Variants in SLC27A3 observed in about 807,000 individuals in gnomAD.
SLC27A3 encodes the protein solute carrier family 27 member 3, also known as long-chain fatty acid transport protein 3.
In SLC27A3, 60 loss-of-function variants were observed where a neutral mutation model predicts 60.1. The observed-to-expected ratio is 1.00, with a 90% confidence interval of 0.81 to 1.24. The LOEUF (loss-of-function observed/expected upper bound fraction) is 1.24, where lower values mean the gene tolerates loss of function less well. Ranked by LOEUF, SLC27A3 falls within the 50% of genes most tolerant of loss-of-function variation. SLC27A3 has a pLI of 0.00. For synonymous variants in SLC27A3, 455 were observed against 409.0 expected, an observed-to-expected ratio of 1.11 and a Z score of -1.36; for missense variants, 1,079 against 929.9, an observed-to-expected ratio of 1.16 and a Z score of -2.09.
At chr1:153,777,429 A>C (rs1334549111) in intron 3 of SLC27A3, 2 of 655,490 alleles carry the variant, frequency 3.1e-6, no homozygotes, top group Non-Finnish European at 5.2e-6. Context: ...ACATAACTCC[A>C]GGCTGCAGGG....
chr1:153,779,528 A>C, intron 9 of SLC27A3, 55 bp downstream of exon 9: 3 of 1,571,436 alleles, frequency 1.9e-6, no homozygotes, highest in Non-Finnish European at 2.6e-6. Context: ...CACCCCACAT[A>C]TCCACCCCGT....
rs1201187174 is a variant in SLC27A3 at position 153,776,517 on chromosome 1, G to C, written c.668-1G>C. Reference sequence around the variant, plus strand: ...GGCGTTGTGCTTTCCCACCCTTCTAGAGTTTCTGGAGTCCCTGGAGCCGGA... The same window carrying C: ...GGCGTTGTGCTTTCCCACCCTTCTACAGTTTCTGGAGTCCCTGGAGCCGGA... On this transcript the variant is annotated splice_acceptor_variant, in intron 1 of 9. Transcript: ENST00000624995. LOFTEE classifies it high-confidence loss of function. 2.1e-5 allele frequency: 34 copies of C among 1,612,910 alleles called. No individual in the cohort carries two copies. Among genetic ancestry groups the C allele is most frequent in the African/African-American group, 5.3e-5 (4 of 74,872 alleles).
At position 153,779,165 on chromosome 1, in the gene SLC27A3, C is replaced by T. The variant is rs766635920; in HGVS notation, c.1698C>T (p.Ala566=). 4 of 1,614,006 alleles carry T rather than the reference C, an allele frequency of 2.5e-6. No homozygotes were observed. The highest frequency in any genetic ancestry group is 3.4e-6 in the Non-Finnish European group (4 of 1,180,018). Residue 566 remains alanine (A), a synonymous_variant, in exon 8 of 10, where the codon GCC becomes GCT. Coordinates refer to ENST00000624995, the MANE Select transcript of SLC27A3 (RefSeq NM_024330.4). ...ATTEVAEVFE[A]LDFLQEVNVY... ...CCGAGGTGGCAGAGGTCTTCGAGGC[C>T]CTAGATTTTCTTCAGGAGGTGAACG...
rs1193406424 is a variant in SLC27A3, at chr1:153,779,459, T to G, written c.1861T>G (p.Phe621Val). ...CTTGCCACCTTATGCCCGGCCCCGA[T>G]TCCTCAGGCTCCAGGTAACCGGCCA... ...ENLPPYARPR[F>V]LRLQESLATT... Residue 621 changes from phenylalanine (F) to valine (V), a missense_variant, in exon 9 of 10, where the codon TTC becomes GTC. Phe to Val is a conservative substitution (Grantham distance 50, BLOSUM62 -1). Transcript: ENST00000624995. 2 of 1,613,188 alleles carry G rather than the reference T, an allele frequency of 1.2e-6. No individual in the cohort carries two copies. Among genetic ancestry groups the G allele is most frequent in the South Asian group, 2.2e-5 (2 of 91,066 alleles).
chr1:153,777,268 A>C (rs1235737647), intron 3 of SLC27A3, 48 bp downstream of exon 3: 4 of 1,604,650 alleles, frequency 2.5e-6, no homozygotes, highest in Non-Finnish European at 3.4e-6. Context: ...GTAGACATTT[A>C]TTAAGCACGT....
In SLC27A3 at chr1:153,779,880, G is replaced by A; in HGVS notation, c.1930G>A (p.Glu644Lys). The A allele has an allele frequency of 1.2e-6, 2 of 1,614,044 alleles. No homozygotes were observed. The highest frequency in any genetic ancestry group is 1.7e-6 in the Non-Finnish European group (2 of 1,180,018). The part of the protein sequence containing the change: ...FKQQKVRMAN[E>K]GFDPSTLSDP... ...ACAGCAGAAAGTTCGGATGGCAAAT[G>A]AGGGCTTCGACCCCAGCACCCTGTC... The change falls in exon 10 of 10, where the codon GAG (glutamate) becomes AAG (lysine). Residue 644 changes from glutamate to lysine, a missense_variant. Physicochemically the swap from Glu to Lys is moderately conservative, Grantham distance 56. Coordinates refer to ENST00000624995, the MANE Select transcript of SLC27A3 (RefSeq NM_024330.4).
Position 153,775,905 on chromosome 1 carries a change from A to C in SLC27A3, c.408A>C (p.Gly136=). The stretch of plus-strand genomic sequence containing the variant: ...GAGAAGGCGAGCGGGCAGCGCCGGG[A>C]GCCGGAGATGCAGCGGCCGGAAGCG... The part of the protein sequence containing the change: ...SAGEGERAAP[G]AGDAAAGSGA... The change falls in exon 1 of 10, where the codon GGA becomes GGC. Residue 136 remains glycine, a synonymous_variant. Transcript: ENST00000624995. The C allele has an allele frequency of 2.7e-6, 4 of 1,473,454 alleles. No individual in the cohort carries two copies. The highest frequency in any genetic ancestry group is 3.6e-6 in the Non-Finnish European group (4 of 1,119,396). The allele number at this position is 1,473,454 out of a possible 1,614,324, so 91.3% of individuals were successfully genotyped here.
In SLC27A3 at chr1:153,776,107, G is replaced by T. The variant is rs972064986; in HGVS notation, c.610G>T (p.Gly204Cys). Residue 204 changes from glycine (G) to cysteine (C), a missense_variant, in exon 1 of 10, where the codon GGC becomes TGC. Gly to Cys is a radical substitution (Grantham distance 159). Coordinates refer to ENST00000624995, the MANE Select transcript of SLC27A3 (RefSeq NM_024330.4). ...TAFVPTALRRGPLLHCLRSCG... is the reference protein window; with the variant it reads ...TAFVPTALRRCPLLHCLRSCG... ...CTTTGTGCCCACCGCCCTGCGCCGG[G>T]GCCCCCTGCTGCACTGCCTCCGCAG... is the stretch of plus-strand genomic sequence containing the variant. 1 of 1,475,676 alleles carries T rather than the reference G, an allele frequency of 6.8e-7. No individual in the cohort carries two copies. The highest frequency in any genetic ancestry group is 8.9e-7 in the Non-Finnish European group (1 of 1,127,584). The allele number at this position is 1,475,676 out of a possible 1,614,324, so 91.4% of individuals were successfully genotyped here. A position where few individuals can be genotyped will look rare whatever the true frequency, so the allele number is the denominator to read the frequency against.
Position 153,775,615 on chromosome 1 carries a change from CTG to C in SLC27A3, c.121_122del (p.Cys41LeufsTer51), listed in dbSNP as rs1445225097. ...GGACTTGGCCTTTGCGGTGCGAGCT[CTG>C]TGCTGCAAAAGGGCTCTTCGAGCTC... is the stretch of plus-strand genomic sequence containing the variant. ...PADLAFAVRALCCKRALRARA... is the reference protein window; with the variant it reads ...PADLAFAVRAXCCKRALRARA... On this transcript the variant is annotated frameshift_variant, in exon 1 of 10. Coordinates refer to ENST00000624995, the MANE Select transcript of SLC27A3 (RefSeq NM_024330.4). LOFTEE classifies it high-confidence loss of function. The C allele has an allele frequency of 1.3e-6, 2 of 1,583,134 alleles. No individual in the cohort carries two copies. The highest frequency in any genetic ancestry group is 4.6e-5 in the East Asian group (2 of 43,828).
At chr1:153,778,616 A>T in intron 6 of SLC27A3, 63 bp downstream of exon 6, 9 of 1,608,990 alleles carry the variant, frequency 5.6e-6, no homozygotes, top group Non-Finnish European at 7.7e-6. Flanking sequence ...CTGGAATTGG[A>T]GACTGGGGTG....
rs1459215175 is a variant in SLC27A3 at position 153,779,454 on chromosome 1, C to T, written c.1856C>T (p.Pro619Leu). 2 of 1,613,604 alleles carry T rather than the reference C, an allele frequency of 1.2e-6. No homozygotes were observed. Among genetic ancestry groups the T allele is most frequent in the Non-Finnish European group, 1.7e-6 (2 of 1,179,954 alleles). Residue 619 changes from proline to leucine, a missense_variant, in exon 9 of 10, where the codon CCC becomes CTC. Physicochemically the swap from Pro to Leu is moderately conservative, Grantham distance 98. Transcript: ENST00000624995. ...GAGAACTTGCCACCTTATGCCCGGCCCCGATTCCTCAGGCTCCAGGTAACC... is the reference window on the plus strand; with the variant it reads ...GAGAACTTGCCACCTTATGCCCGGCTCCGATTCCTCAGGCTCCAGGTAACC... ...VSENLPPYAR[P>L]RFLRLQESLA... is the part of the protein sequence containing the mutation.
intron 1 of SLC27A3, 156 bp downstream of exon 1, chr1:153,776,320 G>A: frequency 7.2e-7 from 1 of 1,396,044 alleles, no homozygotes; most frequent in Non-Finnish European, 9.4e-7. Context: ...CTCCGGGTTT[G>A]AGAAGGGATG....
intron 4 of SLC27A3, 99 bp downstream of exon 4, chr1:153,777,984 C>T: frequency 6.4e-7 from 1 of 1,555,872 alleles, no homozygotes; most frequent in Middle Eastern, 1.9e-4. Flanking sequence ...GGAGAAGCAG[C>T]AAGAAGAAAA....
chr1:153,775,598 C>T lies in SLC27A3; in HGVS notation c.101C>T (p.Ala34Val). The change falls in exon 1 of 10, where the codon GCC (alanine) becomes GTC (valine). Residue 34 changes from alanine to valine, a missense_variant. Transcript: ENST00000624995. The part of the protein sequence containing the change: ...PQLRWLPADL[A>V]FAVRALCCKR... The stretch of plus-strand genomic sequence containing the variant: ...TTGCGCTGGCTTCCGGCGGACTTGG[C>T]CTTTGCGGTGCGAGCTCTGTGCTGC... 6.3e-7 allele frequency: 1 copy of T among 1,599,050 alleles called. No individual in the cohort carries two copies. The highest frequency in any genetic ancestry group is 8.5e-7 in the Non-Finnish European group (1 of 1,175,416).
chr1:153,775,414 G>C lies in SLC27A3; in HGVS notation c.-84G>C, dbSNP rs1032706082. The C allele has an allele frequency of 3.1e-6, 5 of 1,611,612 alleles. No homozygotes were observed. On this transcript the variant is annotated 5_prime_UTR_variant, in exon 1 of 10. Coordinates refer to ENST00000624995, the MANE Select transcript of SLC27A3 (RefSeq NM_024330.4). ...GAAGGAGAAGTCTCAGCTAGAACGA[G>C]CGGCCCTAGGTTTTCGGAAGGGAGG... is the stretch of plus-strand genomic sequence containing the variant.
intron 1 of SLC27A3, 113 bp downstream of exon 1, chr1:153,776,277 C>A: frequency 2.8e-6 from 4 of 1,420,668 alleles, no homozygotes; most frequent in Non-Finnish European, 3.7e-6. Flanking sequence ...GCCGACTATC[C>A]CTTGGGGTTC....
intron 9 of SLC27A3, 47 bp from the exon 10 acceptor site, chr1:153,779,779 T>C (rs1673443238): frequency 6.3e-7 from 1 of 1,576,130 alleles, no homozygotes; most frequent in Admixed American, 1.8e-5. Context: ...CTGAACCACG[T>C]GGGCAGAGTC....
intron 8 of SLC27A3, 48 bp downstream of exon 8, chr1:153,779,259 T>A: frequency 6.2e-7 from 1 of 1,613,240 alleles, no homozygotes; most frequent in South Asian, 1.1e-5. Context: ...CCACCCCGAA[T>A]TGGTAGTACT....
At position 153,780,089 on chromosome 1, in the gene SLC27A3, ATAC is replaced by A; in HGVS notation, c.*88_*90del. The A allele has an allele frequency of 8.3e-7, 1 of 1,199,476 alleles. No individual in the cohort carries two copies. The allele number at this position is 1,199,476 out of a possible 1,614,324, so 74.3% of individuals were successfully genotyped here. A position where few individuals can be genotyped will look rare whatever the true frequency, so the allele number is the denominator to read the frequency against. On this transcript the variant is annotated 3_prime_UTR_variant, in exon 10 of 10. Transcript: ENST00000624995. ...TACTGGGCTGTCAGGGATCTTTTCTATACCAGAACTGCGGTCACTATTTTGTAA... is the reference window on the plus strand; with the variant it reads ...TACTGGGCTGTCAGGGATCTTTTCTACAGAACTGCGGTCACTATTTTGTAA...
Sources: allele counts gnomAD v4.1 joint callset, GRCh38; gene constraint gnomAD v4.1.1; transcripts MANE v1.5; gene names NCBI Gene and HGNC (gene_info 2026-07-23, HGNC 2026-07-21).